TTLL4: variants seen among roughly 807,000 people sequenced by gnomAD.
The protein encoded by TTLL4 is tubulin monoglutamylase TTLL4.
A neutral mutation model predicts 122.7 loss-of-function variants in TTLL4; 85 were observed. That is an observed-to-expected ratio of 0.69 (90% confidence interval 0.58 to 0.83). TTLL4 has a LOEUF of 0.83. Ranked by LOEUF, TTLL4 falls within the 40% of genes least tolerant of loss-of-function variation. The pLI is 0.00. For missense variants in TTLL4, 1,363 were observed against 1,488.6 expected (o/e 0.92, Z 1.39); for synonymous variants, 553 against 563.0 (o/e 0.98, Z 0.25).
chr2:218,754,445 G>GA lies in TTLL4; in HGVS notation c.*58dup. The GA allele has an allele frequency of 1.2e-6, 2 of 1,604,068 alleles. No individual in the cohort carries two copies. The highest frequency in any genetic ancestry group is 1.7e-6 in the Non-Finnish European group (2 of 1,175,366). On this transcript the variant is annotated 3_prime_UTR_variant, in exon 20 of 20. Transcript: ENST00000392102. ...AGCATGGGCATCAGCTACCTCACGG[G>GA]AACCAGCCTGCTGTTCAGACCAGTC...
At chr2:218,745,329 C>T (rs1027740352) in intron 6 of TTLL4, 96 bp downstream of exon 6, 115 of 1,531,694 alleles carry the variant, frequency 7.5e-5, no homozygotes, top group Non-Finnish European at 6.3e-6. Context: ...AGAGGGTTTC[C>T]AGAATGGCTG....
intron 19 of TTLL4, 70 bp downstream of exon 19, chr2:218,753,739 C>T (rs1028244293): frequency 3.3e-6 from 5 of 1,531,386 alleles, no homozygotes; most frequent in Admixed American, 1.7e-5. Context: ...TTCCCCTCTT[C>T]CCAGACTGTG....
Position 218,740,162 on chromosome 2 carries a change from A to G in TTLL4, c.1592A>G (p.Glu531Gly), listed in dbSNP as rs770660351. The change falls in exon 4 of 20, where the codon GAG becomes GGG. Residue 531 changes from glutamate (E) to glycine (G), a missense_variant. Physicochemically the swap from Glu to Gly is moderately conservative, Grantham distance 98. This residue lies in a region of TTLL4 where 760 missense variants were observed against 808.4 expected (regional missense o/e 0.94). Coordinates refer to ENST00000392102, the MANE Select transcript of TTLL4 (RefSeq NM_014640.5). ...TGTAGCCGTGATGAGAATGAAGAGG[A>G]GGAGGGTGAGTAGGAAACCCTTTCA... The part of the protein sequence containing the change: ...DCCSRDENEE[E>G]EGDSECSSLS... 1.2e-6 allele frequency: 2 copies of G among 1,614,122 alleles called. No individual in the cohort carries two copies. The highest frequency in any genetic ancestry group is 2.7e-5 in the African/African-American group (2 of 75,030).
At chr2:218,751,509 T>C (rs1383424934) in intron 15 of TTLL4, 195 bp from the exon 16 acceptor site, 1 of 633,762 alleles carries the variant, frequency 1.6e-6, no homozygotes, top group Non-Finnish European at 2.0e-6. Flanking sequence ...TGTATCCTTT[T>C]ACTTAATATT....
chr2:218,731,452 A>G (rs1411850756), intron 2 of TTLL4, among the ~76,000 whole-genome samples: 1 of 151,784 alleles, frequency 6.6e-6, no homozygotes, highest in Non-Finnish European at 1.5e-5. Context: ...AAATAACAAG[A>G]CGGTTCTGTT....
At chr2:218,743,790 C>G (rs1274443482) in intron 5 of TTLL4, among the ~76,000 whole-genome samples, 1 of 152,166 alleles carries the variant, frequency 6.6e-6, no homozygotes, top group Non-Finnish European at 1.5e-5. Context: ...AGCAATTCTC[C>G]TGACTCAGCC....
downstream of TTLL4, among the ~76,000 whole-genome samples, chr2:218,757,839 C>G (rs987003681): frequency 1.3e-5 from 2 of 152,166 alleles, no homozygotes; most frequent in African/African-American, 4.8e-5. Flanking sequence ...CAAAGGCAGA[C>G]AGGGATCTCC....
chr2:218,737,989 C>G lies in TTLL4; in HGVS notation c.313C>G (p.Leu105Val). 6.2e-7 allele frequency: 1 copy of G among 1,614,226 alleles called. No individual in the cohort carries two copies. Among genetic ancestry groups the G allele is most frequent in the Non-Finnish European group, 8.5e-7 (1 of 1,180,036 alleles). Reference protein sequence around the residue: ...VIAGHSSSCYLHSLPDLFNST... With the variant: ...VIAGHSSSCYVHSLPDLFNST... ...TGCAGGCCACAGCAGTTCCTGTTACCTACACTCTCTCCCGGACTTGTTCAA... is the reference window on the plus strand; with the variant it reads ...TGCAGGCCACAGCAGTTCCTGTTACGTACACTCTCTCCCGGACTTGTTCAA... The change falls in exon 3 of 20, where the codon CTA (leucine) becomes GTA (valine). Residue 105 changes from leucine to valine, a missense_variant. By Grantham distance (32) the Leu-to-Val change is conservative (BLOSUM62 1). Coordinates refer to ENST00000392102, the MANE Select transcript of TTLL4 (RefSeq NM_014640.5).
chr2:218,740,561 C>T lies in TTLL4; in HGVS notation c.1638C>T (p.Ser546=), dbSNP rs774940910. The T allele has an allele frequency of 5.0e-6, 8 of 1,614,026 alleles. No homozygotes were observed. The highest frequency in any genetic ancestry group is 2.7e-5 in the African/African-American group (2 of 74,920). The stretch of plus-strand genomic sequence containing the variant: ...CCTCATTAAGTGCTGTCTCCCCCAG[C>T]GAATCGGTGGCCATGATCTCTAGGT... ...ECSSLSAVSP[S]ESVAMISRSC... is the part of the protein sequence containing the mutation. The change falls in exon 5 of 20, where the codon AGC becomes AGT. Residue 546 remains serine, a synonymous_variant. Transcript: ENST00000392102.
intron 3 of TTLL4, among the ~76,000 whole-genome samples, 172 bp downstream of exon 3, chr2:218,739,335 T>C (rs112631298): frequency 1.3e-5 from 2 of 152,374 alleles, no homozygotes; most frequent in African/African-American, 4.8e-5. Context: ...AGACCAAATC[T>C]TGCTTGTTGC....
At chr2:218,717,568 C>T (rs1348491776) in intron 1 of TTLL4, among the ~76,000 whole-genome samples, 1 of 152,206 alleles carries the variant, frequency 6.6e-6, no homozygotes, top group African/African-American at 2.4e-5. Context: ...CATTGCTAAA[C>T]TGTGCTCTAC....
intron 1 of TTLL4, among the ~76,000 whole-genome samples, chr2:218,713,423 A>C (rs893230773): frequency 1.3e-5 from 2 of 152,130 alleles, no homozygotes; most frequent in African/African-American, 4.8e-5. Flanking sequence ...GACTACAGGC[A>C]TGCGCCACCC....
intron 5 of TTLL4, among the ~76,000 whole-genome samples, chr2:218,743,223 C>T (rs1942751638): frequency 6.6e-6 from 1 of 152,140 alleles, no homozygotes. Flanking sequence ...CCCATCCCCT[C>T]CTTAACCCCC....
Position 218,738,556 on chromosome 2 carries a change from G to A in TTLL4, c.880G>A (p.Asp294Asn), listed in dbSNP as rs561923612. 882 of 1,614,086 alleles carry A rather than the reference G, an allele frequency of 5.5e-4. 8 individuals carry two copies. In the South Asian group the frequency reaches 8.7e-3, roughly 16 times the overall value. The part of the protein sequence containing the change: ...HIALSTASSH[D>N]TSTTSVASSW... ...CGCCTTGTCTACCGCTAGCTCCCAC[G>A]ACACATCCACCACCAGTGTTGCCTC... The change falls in exon 3 of 20, where the codon GAC becomes AAC. Residue 294 changes from aspartate to asparagine, a missense_variant. Asp to Asn is a conservative substitution (Grantham distance 23). Coordinates refer to ENST00000392102, the MANE Select transcript of TTLL4 (RefSeq NM_014640.5).
At chr2:218,757,831 A>G (rs1943182040), downstream of TTLL4, among the ~76,000 whole-genome samples, 1 of 152,118 alleles carries the variant, frequency 6.6e-6, no homozygotes, top group South Asian at 2.1e-4. Context: ...GTGACCAACA[A>G]AGGCAGACAG....
chr2:218,757,058 T>G (rs761964780), downstream of TTLL4, among the ~76,000 whole-genome samples: 1 of 152,208 alleles, frequency 6.6e-6, no homozygotes, highest in Non-Finnish European at 1.5e-5. Flanking sequence ...TTCTTTGTAG[T>G]ATGAATATAA....
intron 1 of TTLL4, among the ~76,000 whole-genome samples, chr2:218,714,663 G>A (rs373074797): frequency 1.6e-3 from 241 of 152,040 alleles, no homozygotes; most frequent in Middle Eastern, 0.014. Flanking sequence ...GCAGTGCTCA[G>A]AGCTCAGAGT....
chr2:218,747,155 G>A lies in TTLL4; in HGVS notation c.2127G>A (p.Ala709=), dbSNP rs200655552. 20 of 1,614,228 alleles carry A rather than the reference G, an allele frequency of 1.2e-5. No individual in the cohort carries two copies. The highest frequency in any genetic ancestry group is 1.7e-5 in the Admixed American group (1 of 60,028). Residue 709 remains alanine, a synonymous_variant, in exon 9 of 20, where the codon GCG becomes GCA. Transcript: ENST00000392102. The surrounding 1 kb of genome is among the most constrained non-coding windows in gnomAD (Gnocchi z 4.7). ...LPQDAKLLRK[A]WESSSRQKWI... is the part of the protein sequence containing the mutation. Reference sequence around the variant, plus strand: ...AGGACGCCAAGCTCCTGCGCAAAGCGTGGGAGAGCAGCAGCCGCCAAAAGT... The same window carrying A: ...AGGACGCCAAGCTCCTGCGCAAAGCATGGGAGAGCAGCAGCCGCCAAAAGT...
intron 3 of TTLL4, 45 bp downstream of exon 3, chr2:218,739,208 T>C (rs1405262439): frequency 6.4e-7 from 1 of 1,550,684 alleles, no homozygotes; most frequent in African/African-American, 1.4e-5. Flanking sequence ...GTAGAATGTA[T>C]ATACCATAAT....
Sources: gnomAD v4.1 joint callset for allele counts (sites outside exome capture counted in the v4.1 genomes callset) on GRCh38, gnomAD v4.1.1 for gene constraint, gnomAD v4.1.1 regional missense constraint, Gnocchi (gnomAD v3.1) non-coding constraint, MANE v1.5 for transcripts, NCBI Gene and HGNC (gene_info 2026-07-23, HGNC 2026-07-21) for gene names.